EZR: variants seen among roughly 807,000 people sequenced by gnomAD.
EZR encodes cytovillin 2.
A neutral mutation model predicts 74.8 loss-of-function variants in EZR; 40 were observed. That is an observed-to-expected ratio of 0.53 (90% CI 0.42 to 0.70). EZR has a LOEUF of 0.70. Ranked by LOEUF, EZR falls within the 30% of genes least tolerant of loss-of-function variation. The probability of loss-of-function intolerance (pLI) is 0.00; values close to 1 mark genes in which losing one functional copy is unlikely to be tolerated. For missense variants in EZR, 678 were observed against 755.8 expected, an observed-to-expected ratio of 0.90 and a Z score of 1.21; for synonymous variants, 341 against 283.3, an observed-to-expected ratio of 1.20 and a Z score of -2.05.
chr6:158,816,246 G>A (rs930793214), intron 2 of EZR, among the ~76,000 whole-genome samples: 1 of 152,180 alleles, frequency 6.6e-6, no homozygotes, highest in Admixed American at 6.5e-5. Context: ...GATGGACCTT[G>A]GTGATGGCTA....
At chr6:158,767,699 G>A (rs1012683364) in intron 12 of EZR, among the ~76,000 whole-genome samples, 187 bp from the exon 13 acceptor site, 2 of 152,126 alleles carry the variant, frequency 1.3e-5, no homozygotes, top group African/African-American at 4.8e-5. Context: ...GTCCAAGACA[G>A]GAAGAGGAAC....
At chr6:158,767,614 A>C in intron 12 of EZR, 102 bp from the exon 13 acceptor site, 1 of 1,299,612 alleles carries the variant, frequency 7.7e-7, no homozygotes, top group South Asian at 1.4e-5. Context: ...AGGCTAAGGC[A>C]GCACTGAACT....
intron 12 of EZR, among the ~76,000 whole-genome samples, chr6:158,768,542 G>T (rs1790992139): frequency 6.6e-6 from 1 of 152,154 alleles, no homozygotes; most frequent in Admixed American, 6.5e-5. Context: ...GGAAGGACGG[G>T]CCAGCGGGTC....
intron 2 of EZR, among the ~76,000 whole-genome samples, chr6:158,793,684 C>T (rs1244770934): frequency 6.6e-6 from 1 of 152,126 alleles, no homozygotes. Context: ...GACTGAGTGT[C>T]CCCAGTCACT....
At chr6:158,794,067 AGGCGTTCGAGACC>A (rs1448478862) in intron 2 of EZR, among the ~76,000 whole-genome samples, 3 of 152,238 alleles carry the variant, frequency 2.0e-5, no homozygotes, top group African/African-American at 7.2e-5. Flanking sequence ...ACTAGAGGTC[AGGCGTTCGAGACC>A]GGCCTGGCCA....
rs752532428 is a variant in EZR, at chr6:158,767,070, G to A, written c.1605C>T (p.Ser535=). The A allele has an allele frequency of 1.9e-6, 3 of 1,614,158 alleles. No homozygotes were observed. Among genetic ancestry groups the A allele is most frequent in the Admixed American group, 1.7e-5 (1 of 60,020 alleles). The change falls in exon 14 of 14, where the codon AGC becomes AGT. Residue 535 remains serine, a synonymous_variant. Coordinates refer to ENST00000367075, the MANE Select transcript of EZR (RefSeq NM_001111077.2). The stretch of plus-strand genomic sequence containing the variant: ...CATCTCGGGCCTGGGACAGCTCGCT[G>A]CTCAGCGTCTGTAACATTAAGCAGC... ...ERVQRQLLTL[S]SELSQARDEN...
At position 158,769,356 on chromosome 6, in the gene EZR, C is replaced by T. The variant is rs754675709; in HGVS notation, c.1314G>A (p.Lys438=). The change falls in exon 12 of 14, where the codon AAG becomes AAA. Residue 438 remains lysine, a synonymous_variant. Transcript: ENST00000367075. ...GCTGCCACTCTTCAACTTCATCCTC[C>T]TTGCGCCTCCGCGCCTCTTCCAGGA... The part of the protein sequence containing the change: ...IALLEEARRR[K]EDEVEEWQHR... 19 of 1,609,774 alleles carry T rather than the reference C, an allele frequency of 1.2e-5. No homozygotes were observed. Among genetic ancestry groups the T allele is most frequent in the Non-Finnish European group, 1.6e-5 (19 of 1,180,022 alleles).
At chr6:158,780,671 A>G (rs770714660) in intron 7 of EZR, among the ~76,000 whole-genome samples, 2 of 152,220 alleles carry the variant, frequency 1.3e-5, no homozygotes, top group Non-Finnish European at 2.9e-5. Context: ...AAATCTGCCC[A>G]AAGAGGGATG....
At chr6:158,787,928 T>C (rs1281527979) in intron 3 of EZR, among the ~76,000 whole-genome samples, 2 of 152,220 alleles carry the variant, frequency 1.3e-5, no homozygotes, top group African/African-American at 4.8e-5. Context: ...CTGAGCTGCT[T>C]AGTCTCACGA....
chr6:158,805,562 CAT>C (rs1320067339), intron 2 of EZR, among the ~76,000 whole-genome samples: 2 of 152,066 alleles, frequency 1.3e-5, no homozygotes, highest in African/African-American at 2.4e-5. Context: ...TTACTTTTGC[CAT>C]GTGTCAAAAA....
At chr6:158,817,978 G>C in intron 2 of EZR, 104 bp downstream of exon 2, 2 of 1,163,322 alleles carry the variant, frequency 1.7e-6, no homozygotes, top group Non-Finnish European at 2.4e-6. Flanking sequence ...CTGCGTGTGA[G>C]AAGAACCCTG....
chr6:158,783,928 C>A (rs780726096), intron 6 of EZR, among the ~76,000 whole-genome samples: 1 of 152,230 alleles, frequency 6.6e-6, no homozygotes, highest in African/African-American at 2.4e-5. Context: ...CTGATTCACA[C>A]TGGTTTCTCT....
Position 158,803,608 on chromosome 6 carries a change from T to TAC in EZR, c.13-14238_13-14237insGT, listed in dbSNP as rs1169462114. On this transcript the variant is annotated intron_variant, in intron 2 of 13. Transcript: ENST00000367075. Reference sequence around the variant, plus strand: ...ATATATATATATATATATATATACATATATATATATATATATACATATACA... The same window carrying TAC: ...ATATATATATATATATATATATACATACATATATATATATATATACATATACA... Among the ~76,000 whole-genome samples, 86 of 15,772 alleles carry TAC rather than the reference T, an allele frequency of 5.5e-3. 6 individuals are homozygous for TAC. The highest frequency in any genetic ancestry group is 0.024 in the African/African-American group (75 of 3,132). The allele number at this position is 15,772 out of a possible 152,430, so 10.3% of individuals were successfully genotyped here.
chr6:158,810,834 A>C (rs567888004), intron 2 of EZR, among the ~76,000 whole-genome samples: 1 of 152,336 alleles, frequency 6.6e-6, no homozygotes, highest in South Asian at 2.1e-4. Flanking sequence ...AGTTGTTTGG[A>C]TTTCACTGAT....
intron 2 of EZR, 169 bp from the exon 3 acceptor site, chr6:158,789,540 G>A (rs1474734401): frequency 1.3e-6 from 1 of 757,306 alleles, no homozygotes. Context: ...AGATGGCTGG[G>A]GATGTCTCAG....
chr6:158,767,510 G>A lies in EZR; in HGVS notation c.1347C>T (p.Ala449=). The change falls in exon 13 of 14, where the codon GCC becomes GCT. Residue 449 remains alanine, a splice_region_variant and synonymous_variant. Coordinates refer to ENST00000367075, the MANE Select transcript of EZR (RefSeq NM_001111077.2). The part of the protein sequence containing the change: ...EDEVEEWQHR[A]KEAQDDLVKT... ...TCACCAGGTCATCCTGGGCTTCTTTGGCCTTTGGAAAGCAAATTAATAAGA... is the reference window on the plus strand; with the variant it reads ...TCACCAGGTCATCCTGGGCTTCTTTAGCCTTTGGAAAGCAAATTAATAAGA... The A allele has an allele frequency of 1.3e-6, 2 of 1,575,114 alleles. No homozygotes were observed. Among genetic ancestry groups the A allele is most frequent in the African/African-American group, 1.4e-5 (1 of 73,476 alleles).
chr6:158,787,330 C>T, intron 3 of EZR, 127 bp from the exon 4 acceptor site: 1 of 617,010 alleles, frequency 1.6e-6, no homozygotes, highest in East Asian at 2.8e-5. Flanking sequence ...CTCAGTCCAA[C>T]CACTGGGCAA....
intron 2 of EZR, among the ~76,000 whole-genome samples, chr6:158,817,184 T>C (rs571062334): frequency 5.9e-5 from 9 of 152,320 alleles, no homozygotes; most frequent in Non-Finnish European, 1.2e-4. Flanking sequence ...CAATTTGTAA[T>C]GAATCCTGAT....
In EZR at chr6:158,766,183, A is replaced by G. The variant is rs1790795388; in HGVS notation, c.*731T>C. 6.6e-6 allele frequency: 1 copy of G among 152,594 alleles called. No homozygotes were observed. The highest frequency in any genetic ancestry group is 2.4e-5 in the African/African-American group (1 of 41,440). The allele number at this position is 152,594 out of a possible 1,614,324, so 9.5% of individuals were successfully genotyped here. On this transcript the variant is annotated 3_prime_UTR_variant, in exon 14 of 14. Coordinates refer to ENST00000367075, the MANE Select transcript of EZR (RefSeq NM_001111077.2). Reference sequence around the variant, plus strand: ...AAAAGGTAACAAAATATACAGAACAAAACTTTCCCTTTTTAAAACTAATGT... The same window carrying G: ...AAAAGGTAACAAAATATACAGAACAGAACTTTCCCTTTTTAAAACTAATGT...
Sources: allele counts gnomAD v4.1 joint callset (sites outside exome capture counted in the v4.1 genomes callset), GRCh38; gene constraint gnomAD v4.1.1; transcripts MANE v1.5; gene names NCBI Gene and HGNC (gene_info 2026-07-23, HGNC 2026-07-21).